The following CLTA variants were observed in gnomAD, a reference collection of about 807,000 sequenced individuals.
CLTA encodes clathrin light chain A, also known as clathrin, light polypeptide (Lca).
In CLTA, 9 loss-of-function variants were observed where a neutral mutation model predicts 26.9. The observed-to-expected ratio is 0.33, with a 90% CI of 0.20 to 0.58. The LOEUF (loss-of-function observed/expected upper bound fraction) is 0.58. CLTA is among the 20% of genes least tolerant of loss of function. The pLI is 0.85. For missense variants in CLTA, 278 were observed against 294.2 expected (o/e 0.94, Z 0.40); for synonymous variants, 120 against 115.5 (o/e 1.04, Z -0.25).
intron 4 of CLTA, among the ~76,000 whole-genome samples, chr9:36,207,987 T>C (rs1196345798): frequency 6.6e-6 from 1 of 152,240 alleles, no homozygotes; most frequent in Non-Finnish European, 1.5e-5. Context: ...TTTTGCTTTC[T>C]TTAAATTTCC....
rs1405490321 is a variant in CLTA at position 36,204,284 on chromosome 9, T to G, written c.485+105T>G. ...GGCTTCTGCCTCCTTTAGTGTGAAA[T>G]GTCTGCAGTTTTTAAAGAAAGTGCT... On this transcript the variant is annotated intron_variant, in intron 4 of 4. Transcript: ENST00000345519. The G allele has an allele frequency of 5.6e-6, 7 of 1,248,430 alleles. No individual in the cohort carries two copies. The African/African-American group carries it at 6.1e-5, about 11-fold the overall frequency. The allele number at this position is 1,248,430 out of a possible 1,614,324, so 77.3% of individuals were successfully genotyped here.
At chr9:36,199,794 C>T (rs764746419) in intron 3 of CLTA, among the ~76,000 whole-genome samples, 9 of 152,194 alleles carry the variant, frequency 5.9e-5, no homozygotes, top group South Asian at 4.1e-4. Flanking sequence ...TAAAGTAACA[C>T]GAGGAAAATG....
intron 4 of CLTA, chr9:36,209,370 T>C (rs745710849): frequency 7.0e-7 from 1 of 1,421,212 alleles, no homozygotes; most frequent in Admixed American, 1.7e-5. Flanking sequence ...TTTCTACTTT[T>C]GTTTAGAGTT....
chr9:36,198,986 A>G lies in CLTA; in HGVS notation c.263A>G (p.Asn88Ser). 1.2e-6 allele frequency: 2 copies of G among 1,611,830 alleles called. No individual in the cohort carries two copies. The highest frequency in any genetic ancestry group is 2.2e-5 in the South Asian group (2 of 91,032). The change falls in exon 3 of 5, where the codon AAT becomes AGT. Residue 88 changes from asparagine to serine, a missense_variant. Transcript: ENST00000345519. ...VMNGEYYQES[N>S]GPTDSYAAIS... is the part of the protein sequence containing the mutation. The stretch of plus-strand genomic sequence containing the variant: ...ATTGTGTTTTGTGTTAAGGAAAGTA[A>G]TGGTCCAACAGACAGTTATGCAGCT...
chr9:36,201,267 A>G (rs923338998), intron 3 of CLTA, among the ~76,000 whole-genome samples: 1 of 152,234 alleles, frequency 6.6e-6, no homozygotes. Flanking sequence ...ACTGTGAGAA[A>G]GCACGCGATG....
In CLTA at chr9:36,197,565, G is replaced by A. The variant is rs1409426269; in HGVS notation, c.232G>A (p.Val78Ile). 3 of 1,610,832 alleles carry A rather than the reference G, an allele frequency of 1.9e-6. No homozygotes were observed. Among genetic ancestry groups the A allele is most frequent in the Middle Eastern group, 1.6e-4 (1 of 6,074 alleles). Residue 78 changes from valine to isoleucine, a missense_variant, in exon 2 of 5, where the codon GTA becomes ATA. By Grantham distance (29) the Val-to-Ile change is conservative (BLOSUM62 3). Coordinates refer to ENST00000345519, the MANE Select transcript of CLTA (RefSeq NM_001833.4). ...ATGTCTTGCAGATGCTGTTGATGGAGTAATGAATGGTGAATACTACCAGGT... is the reference window on the plus strand; with the variant it reads ...ATGTCTTGCAGATGCTGTTGATGGAATAATGAATGGTGAATACTACCAGGT... ...PPGGPDAVDGVMNGEYYQESN... is the reference protein window; with the variant it reads ...PPGGPDAVDGIMNGEYYQESN...
intron 4 of CLTA, among the ~76,000 whole-genome samples, chr9:36,210,280 C>T (rs574795773): frequency 6.6e-6 from 1 of 152,210 alleles, no homozygotes; most frequent in East Asian, 1.9e-4. Context: ...GTCTGTAGAG[C>T]CTCTCAGGGC....
chr9:36,190,920 T>G, upstream of CLTA: 1 of 1,387,494 alleles, frequency 7.2e-7, no homozygotes, highest in Non-Finnish European at 9.4e-7. Flanking sequence ...GGGTAGGGCT[T>G]CCGCTTTACC....
In CLTA at chr9:36,197,997, C is replaced by CTTT. The variant is rs11308341; in HGVS notation, c.255+428_255+430dup. On this transcript the variant is annotated intron_variant, in intron 2 of 4. Coordinates refer to ENST00000345519, the MANE Select transcript of CLTA (RefSeq NM_001833.4). ...TGTAAAGATTAACATTTATTTGAGTCTTTTTTTTTTTTTTTTTTTTTGAGA... is the reference window on the plus strand; with the variant it reads ...TGTAAAGATTAACATTTATTTGAGTCTTTTTTTTTTTTTTTTTTTTTTTTGAGA... 9.3e-3 allele frequency among the ~76,000 whole-genome samples: 966 copies of CTTT among 104,216 alleles called. 29 individuals are homozygous for CTTT. The highest frequency in any genetic ancestry group is 0.013 in the Non-Finnish European group (692 of 52,808). 68.4% of individuals were successfully genotyped at this position (104,216 alleles called of 152,430 possible).
intron 3 of CLTA, among the ~76,000 whole-genome samples, chr9:36,199,802 A>C (rs2132890946): frequency 6.6e-6 from 1 of 152,340 alleles, no homozygotes; most frequent in African/African-American, 2.4e-5. Context: ...CACGAGGAAA[A>C]TGAGGTATGT....
intron 1 of CLTA, among the ~76,000 whole-genome samples, chr9:36,192,694 G>A (rs1245303839): frequency 6.6e-6 from 1 of 152,148 alleles, no homozygotes; most frequent in East Asian, 1.9e-4. Flanking sequence ...TTTAATAGAA[G>A]AGAAGCAATC....
intron 4 of CLTA, among the ~76,000 whole-genome samples, chr9:36,211,002 A>G (rs957153229): frequency 8.5e-5 from 13 of 152,232 alleles, no homozygotes; most frequent in Non-Finnish European, 1.3e-4. Flanking sequence ...AGTGGCCCCA[A>G]GGCACCTGGC....
chr9:36,210,107 TTTTTTC>T (rs1827955838), intron 4 of CLTA, among the ~76,000 whole-genome samples: 1 of 126,408 alleles, frequency 7.9e-6, no homozygotes, highest in East Asian at 2.7e-4. Context: ...TCTTTTTTTC[TTTTTTC>T]TTTTTTTTAA....
intron 4 of CLTA, chr9:36,209,361 T>C (rs1158531271): frequency 1.4e-6 from 2 of 1,467,208 alleles, no homozygotes; most frequent in East Asian, 2.3e-5. Flanking sequence ...ATCTGATTCT[T>C]TCTACTTTTG....
chr9:36,191,875 T>C (rs140511996), intron 1 of CLTA, among the ~76,000 whole-genome samples: 1 of 152,330 alleles, frequency 6.6e-6, no homozygotes, highest in Non-Finnish European at 1.5e-5. Flanking sequence ...GTTGAGCGAT[T>C]GATTTACAGC....
chr9:36,193,965 G>A (rs988224075), intron 1 of CLTA, among the ~76,000 whole-genome samples: 14 of 152,194 alleles, frequency 9.2e-5, no homozygotes, highest in African/African-American at 3.4e-4. Context: ...AATCATGAGG[G>A]CTGAGTCGGG....
At position 36,191,202 on chromosome 9, in the gene CLTA, A is replaced by T; in HGVS notation, c.146A>T (p.Asp49Val). 6.4e-7 allele frequency: 1 copy of T among 1,572,960 alleles called. No individual in the cohort carries two copies. Reference sequence around the variant, plus strand: ...AGCGAGATTGCGGGCATCGAGAACGACGAGGCCTTCGCCATCCTGGACGGC... The same window carrying T: ...AGCGAGATTGCGGGCATCGAGAACGTCGAGGCCTTCGCCATCCTGGACGGC... ...QESEIAGIEN[D>V]EAFAILDGGA... The change falls in exon 1 of 5, where the codon GAC becomes GTC. Residue 49 changes from aspartate to valine, a missense_variant. Transcript: ENST00000345519.
Position 36,204,193 on chromosome 9 carries a change from G to A in CLTA, c.485+14G>A. On this transcript the variant is annotated intron_variant, in intron 4 of 4. Transcript: ENST00000345519. ...AGCAAACAACAGGTCAGTCCGTGGT[G>A]GTTGTAGCACACTTTGTTTTCCAAA... The A allele has an allele frequency of 1.2e-6, 2 of 1,607,088 alleles. No individual in the cohort carries two copies. Among genetic ancestry groups the A allele is most frequent in the Non-Finnish European group, 1.7e-6 (2 of 1,176,644 alleles).
intron 1 of CLTA, among the ~76,000 whole-genome samples, chr9:36,192,461 A>G (rs1449350037): frequency 2.0e-5 from 3 of 152,210 alleles, no homozygotes; most frequent in East Asian, 1.9e-4. Flanking sequence ...TGACTGCACC[A>G]TGTTGCTTCC....
Sources: gnomAD v4.1 joint callset for allele counts (sites outside exome capture counted in the v4.1 genomes callset) on GRCh38, gnomAD v4.1.1 for gene constraint, MANE v1.5 for transcripts, NCBI Gene and HGNC (gene_info 2026-07-23, HGNC 2026-07-21) for gene names.